ACVR2A: variants seen among roughly 807,000 people sequenced by gnomAD.
ACVR2A encodes the protein activin receptor type-2A.
A neutral mutation model predicts 61.4 loss-of-function variants in ACVR2A; 7 were observed. That is an observed-to-expected ratio of 0.11 (90% confidence interval 0.06 to 0.21). The LOEUF is 0.21. Ranked by LOEUF, ACVR2A falls within the 10% of genes least tolerant of loss-of-function variation. The pLI is 1.00. For missense variants in ACVR2A, 322 were observed against 621.7 expected (o/e 0.52, Z 5.13); for synonymous variants, 193 against 208.3 (o/e 0.93, Z 0.63).
Position 147,929,585 on chromosome 2 carries a change from T to C in ACVR2A, c.*2311T>C, listed in dbSNP as rs1687606504. 6.6e-6 allele frequency: 1 copy of C among 152,450 alleles called. No individual in the cohort carries two copies. The highest frequency in any genetic ancestry group is 1.5e-5 in the Non-Finnish European group (1 of 67,972). The allele number at this position is 152,450 out of a possible 1,614,324, so 9.4% of individuals were successfully genotyped here. ...AACTATTATTAATAGAAAAACTTTT[T>C]ATAAGCAGTAAAATAAGAATGTTCC... On this transcript the variant is annotated 3_prime_UTR_variant, in exon 11 of 11. Coordinates refer to ENST00000241416, the MANE Select transcript of ACVR2A (RefSeq NM_001616.5).
At chr2:147,894,084 A>G (rs1396809027) in intron 1 of ACVR2A, among the ~76,000 whole-genome samples, 3 of 152,070 alleles carry the variant, frequency 2.0e-5, no homozygotes, top group Admixed American at 6.6e-5. Flanking sequence ...CTTTTTGTGT[A>G]TGGATATTCA....
At chr2:147,894,937 C>T (rs1686691805) in intron 1 of ACVR2A, among the ~76,000 whole-genome samples, 1 of 152,022 alleles carries the variant, frequency 6.6e-6, no homozygotes, top group Admixed American at 6.6e-5. Flanking sequence ...TGTCAGTCTA[C>T]ACATATGTGG....
intron 7 of ACVR2A, among the ~76,000 whole-genome samples, chr2:147,919,427 C>T (rs1043050036): frequency 2.6e-5 from 4 of 152,120 alleles, no homozygotes; most frequent in African/African-American, 9.7e-5. Flanking sequence ...TCCTTAAGGA[C>T]CCCCAAAGTT....
At chr2:147,881,424 T>A (rs1252551432) in intron 1 of ACVR2A, among the ~76,000 whole-genome samples, 2 of 152,058 alleles carry the variant, frequency 1.3e-5, no homozygotes, top group Non-Finnish European at 2.9e-5. Flanking sequence ...TTGGTTCTGA[T>A]GCCTTCATAT....
chr2:147,898,263 AAAG>A (rs1686789610), intron 2 of ACVR2A: 1 of 152,168 alleles, frequency 6.6e-6, no homozygotes, highest in Non-Finnish European at 1.5e-5. Context: ...AGTAAGAGGA[AAAG>A]AAGATTCAAG....
At chr2:147,856,456 C>A (rs924044228) in intron 1 of ACVR2A, among the ~76,000 whole-genome samples, 2 of 152,104 alleles carry the variant, frequency 1.3e-5, no homozygotes, top group Non-Finnish European at 2.9e-5. Flanking sequence ...TACTATAGGT[C>A]ATTTTATTTA....
At chr2:147,900,988 A>G (rs986452892) in intron 4 of ACVR2A, among the ~76,000 whole-genome samples, 13 of 152,088 alleles carry the variant, frequency 8.5e-5, no homozygotes, top group African/African-American at 2.9e-4. Flanking sequence ...TAAGATGTGT[A>G]TATAGAGAAA....
At chr2:147,857,507 G>A (rs1189194497) in intron 1 of ACVR2A, among the ~76,000 whole-genome samples, 1 of 143,230 alleles carries the variant, frequency 7.0e-6, no homozygotes, top group African/African-American at 2.6e-5. Flanking sequence ...ATATGTAGCC[G>A]TTTGTTGGCA....
At chr2:147,874,800 G>A (rs1008595797) in intron 1 of ACVR2A, among the ~76,000 whole-genome samples, 1 of 151,924 alleles carries the variant, frequency 6.6e-6, no homozygotes, top group South Asian at 2.1e-4. Context: ...TGTTTACAAC[G>A]TAGGATTGTT....
intron 4 of ACVR2A, among the ~76,000 whole-genome samples, chr2:147,907,161 G>C (rs950332359): frequency 1.3e-5 from 2 of 152,114 alleles, no homozygotes; most frequent in African/African-American, 2.4e-5. Context: ...CCCTGCAAAG[G>C]ACATGATCTC....
chr2:147,881,440 TTTTTCTG>T (rs1247920025), intron 1 of ACVR2A, among the ~76,000 whole-genome samples: 1 of 148,296 alleles, frequency 6.7e-6, no homozygotes, highest in Non-Finnish European at 1.5e-5. Context: ...CATATTGTAA[TTTTTCTG>T]CCTGTACATC....
intron 1 of ACVR2A, among the ~76,000 whole-genome samples, chr2:147,893,660 T>A (rs562971187): frequency 9.8e-5 from 15 of 152,320 alleles, no homozygotes; most frequent in African/African-American, 2.2e-4. Flanking sequence ...TCAAAAAAAA[T>A]TTTTATTCTT....
chr2:147,864,747 G>A (rs1202619056), intron 1 of ACVR2A, among the ~76,000 whole-genome samples: 2 of 152,114 alleles, frequency 1.3e-5, no homozygotes, highest in Non-Finnish European at 2.9e-5. Context: ...AATCCGTTTA[G>A]TTATAATTTC....
rs774979181 is a variant in ACVR2A, at chr2:147,845,168, A to G, written c.16A>G (p.Lys6Glu). The G allele has an allele frequency of 1.9e-6, 3 of 1,613,058 alleles. No individual in the cohort carries two copies. The highest frequency in any genetic ancestry group is 2.5e-6 in the Non-Finnish European group (3 of 1,179,832). The change falls in exon 1 of 11, where the codon AAG becomes GAG. Residue 6 changes from lysine (K) to glutamate (E), a missense_variant. This residue lies in a region of ACVR2A where 142 missense variants were observed against 200.3 expected (regional missense o/e 0.71). Coordinates refer to ENST00000241416, the MANE Select transcript of ACVR2A (RefSeq NM_001616.5). MGAAA[K>E]LAFAVFLISC... ...CCTCGGGAAAATGGGAGCTGCTGCA[A>G]AGTTGGCGTTTGCCGTCTTTCTTAT... is the stretch of plus-strand genomic sequence containing the variant.
intron 1 of ACVR2A, among the ~76,000 whole-genome samples, chr2:147,862,229 A>G (rs1685742306): frequency 6.6e-6 from 1 of 152,074 alleles, no homozygotes; most frequent in African/African-American, 2.4e-5. Flanking sequence ...GGGGAGCCAG[A>G]AGTAGCAATA....
At chr2:147,898,032 T>TA (rs887471715) in intron 2 of ACVR2A, among the ~76,000 whole-genome samples, 24 of 152,260 alleles carry the variant, frequency 1.6e-4, no homozygotes, top group African/African-American at 5.8e-4. Context: ...GCTCTTTACC[T>TA]AAAGACAATA....
intron 5 of ACVR2A, among the ~76,000 whole-genome samples, chr2:147,916,742 C>A (rs1687257681): frequency 6.6e-6 from 1 of 151,928 alleles, no homozygotes; most frequent in Non-Finnish European, 1.5e-5. Flanking sequence ...CTTGCAGGCA[C>A]AAGTGAATAT....
intron 1 of ACVR2A, among the ~76,000 whole-genome samples, chr2:147,879,564 TAGAA>T (rs1408907325): frequency 6.6e-6 from 1 of 152,204 alleles, no homozygotes; most frequent in Non-Finnish European, 1.5e-5. Context: ...GAGAAAGTGG[TAGAA>T]AGAATGTATC....
intron 1 of ACVR2A, 71 bp downstream of exon 1, chr2:147,845,278 T>A: frequency 6.8e-7 from 1 of 1,474,378 alleles, no homozygotes; most frequent in Non-Finnish European, 9.3e-7. Context: ...GGGCCGCGGC[T>A]GGTGTTGAGT....
Sources: gnomAD v4.1 joint callset for allele counts (sites outside exome capture counted in the v4.1 genomes callset) on GRCh38, gnomAD v4.1.1 for gene constraint, gnomAD v4.1.1 regional missense constraint, MANE v1.5 for transcripts, NCBI Gene and HGNC (gene_info 2026-07-23, HGNC 2026-07-21) for gene names.